Variants in FAF1 observed in about 807,000 individuals in gnomAD.
The protein encoded by FAF1 is Fas associated factor 1.
A neutral mutation model predicts 92.5 loss-of-function variants in FAF1; 25 were observed. That is an observed-to-expected ratio of 0.27 (90% CI 0.20 to 0.38). The LOEUF (loss-of-function observed/expected upper bound fraction) is 0.38. Among genes scored for constraint, FAF1 ranks in the 10% least tolerant of loss-of-function variants. The pLI is 1.00. For synonymous variants in FAF1, 234 were observed against 273.2 expected (o/e 0.86, Z 1.42); for missense variants, 636 against 793.3 (o/e 0.80, Z 2.38).
At chr1:50,485,966 A>G (rs1053820579) in intron 17 of FAF1, among the ~76,000 whole-genome samples, 16 of 152,142 alleles carry the variant, frequency 1.1e-4, no homozygotes, top group African/African-American at 3.6e-4. Flanking sequence ...CCATGATCCA[A>G]TCACTTTCCA....
chr1:50,594,314 CAAAAA>C (rs57900829), intron 9 of FAF1, among the ~76,000 whole-genome samples: 1 of 81,224 alleles, frequency 1.2e-5, no homozygotes, highest in Admixed American at 1.4e-4. Context: ...GATCCTGTCT[CAAAAA>C]AAAAAAAAAA....
intron 8 of FAF1, among the ~76,000 whole-genome samples, chr1:50,640,829 A>ATTTTTTTTTT (rs71059592): frequency 7.9e-5 from 7 of 88,516 alleles, no homozygotes; most frequent in South Asian, 4.2e-4. Context: ...TTATCAGCTG[A>ATTTTTTTTTT]TTTTTTTTTT....
At position 50,485,683 on chromosome 1, in the gene FAF1, A is replaced by AC. The variant is rs1313206657; in HGVS notation, c.1653+4904_1653+4905insG. ...AGACTGTCTCAAAAAAAAAAAAAAAAAAAAAAAAAAAAACCAAAAAAACAA... is the reference window on the plus strand; with the variant it reads ...AGACTGTCTCAAAAAAAAAAAAAAAACAAAAAAAAAAAAACCAAAAAAACAA... On this transcript the variant is annotated intron_variant, in intron 17 of 18. Transcript: ENST00000396153. 2.1e-3 allele frequency among the ~76,000 whole-genome samples: 303 copies of AC among 144,448 alleles called. 7 individuals carry two copies. In the East Asian group the frequency reaches 0.029, roughly 14 times the overall value. The allele number at this position is 144,448 out of a possible 152,430, so 94.8% of individuals were successfully genotyped here. A position where few individuals can be genotyped will look rare whatever the true frequency, so the allele number is the denominator to read the frequency against.
chr1:50,889,173 T>C lies in FAF1; in HGVS notation c.46-31176A>G, dbSNP rs530599510. ...GCGTAGAGGTGTTTACAGTATTCTC[T>C]GATGGTAGTTTGTATTTCTGTGGGA... is the stretch of plus-strand genomic sequence containing the variant. On this transcript the variant is annotated intron_variant, in intron 1 of 18. Coordinates refer to ENST00000396153, the MANE Select transcript of FAF1 (RefSeq NM_007051.3). Among the ~76,000 whole-genome samples, 460 of 152,374 alleles carry C rather than the reference T, an allele frequency of 3.0e-3. 3 individuals carry two copies. Among genetic ancestry groups the C allele is most frequent in the African/African-American group, 0.01 (435 of 41,584 alleles).
At chr1:50,575,686 T>C (rs556501369) in intron 12 of FAF1, among the ~76,000 whole-genome samples, 3 of 152,362 alleles carry the variant, frequency 2.0e-5, no homozygotes, top group African/African-American at 4.8e-5. Context: ...ACAAAATTAC[T>C]ATAAAAGACA....
chr1:50,662,802 G>C (rs540098218), intron 7 of FAF1, among the ~76,000 whole-genome samples: 1 of 138,662 alleles, frequency 7.2e-6, no homozygotes, highest in East Asian at 2.2e-4. Flanking sequence ...CCGGGTTCAC[G>C]TCATTCTCCT....
Position 50,746,288 on chromosome 1 carries a change from A to T in FAF1, c.368-1513T>A, listed in dbSNP as rs1268056332. ...TATATATATATATATATATATATAT[A>T]TATATTTTTTTTTTTTTTTTTTTTT... On this transcript the variant is annotated intron_variant, in intron 4 of 18. Transcript: ENST00000396153. Among the ~76,000 whole-genome samples the T allele has an allele frequency of 1.6e-3, 27 of 17,256 alleles. 1 individual carries two copies. The highest frequency in any genetic ancestry group is 7.1e-3 in the African/African-American group (24 of 3,368). 11.3% of individuals were successfully genotyped at this position (17,256 alleles called of 152,430 possible).
chr1:50,475,571 G>A lies in FAF1; in HGVS notation c.1762C>T (p.Arg588Trp). The change falls in exon 18 of 19, where the codon CGG (arginine) becomes TGG (tryptophan). Residue 588 changes from arginine (R) to tryptophan (W), a missense_variant. Physicochemically the swap from Arg to Trp is moderately radical, Grantham distance 101. Around this residue, in one of 2 missense-constraint regions of FAF1, gnomAD observed 319 missense variants for 451.0 expected, o/e 0.71. Transcript: ENST00000396153. Reference protein sequence around the residue: ...IRTPSGEFLERRFLASNKLQI... With the variant: ...IRTPSGEFLEWRFLASNKLQI... The stretch of plus-strand genomic sequence containing the variant: ...AGCTTGTTGCTGGCCAGGAAACGCC[G>A]CTCCAAGAACTCGCCACTGGGGGTC... 6.2e-7 allele frequency: 1 copy of A among 1,614,070 alleles called. No homozygotes were observed. The highest frequency in any genetic ancestry group is 8.5e-7 in the Non-Finnish European group (1 of 1,179,944).
intron 6 of FAF1, among the ~76,000 whole-genome samples, chr1:50,729,804 C>G (rs893720996): frequency 6.6e-6 from 1 of 151,910 alleles, no homozygotes; most frequent in Non-Finnish European, 1.5e-5. Flanking sequence ...AGGTGGATCA[C>G]GAAGTCAAGA....
intron 7 of FAF1, among the ~76,000 whole-genome samples, chr1:50,655,964 G>T (rs1271576141): frequency 6.6e-6 from 1 of 152,116 alleles, no homozygotes; most frequent in African/African-American, 2.4e-5. Context: ...AGGGCAAGGG[G>T]GGCAGGGGAG....
chr1:50,781,117 C>T, intron 4 of FAF1: 2 of 322,526 alleles, frequency 6.2e-6, no homozygotes, highest in South Asian at 5.2e-5. Flanking sequence ...TTACCTGCTG[C>T]CAGGGCAGTC....
chr1:50,701,975 C>A (rs746231715), intron 7 of FAF1, among the ~76,000 whole-genome samples: 2 of 152,036 alleles, frequency 1.3e-5, no homozygotes, highest in Non-Finnish European at 2.9e-5. Flanking sequence ...CTTGTTGTAA[C>A]AGATAAGTAA....
chr1:50,625,205 T>C (rs1429495133), intron 8 of FAF1, among the ~76,000 whole-genome samples: 1 of 152,152 alleles, frequency 6.6e-6, no homozygotes, highest in African/African-American at 2.4e-5. Context: ...CGGCAGAGAA[T>C]CCTACACTCT....
At position 50,736,728 on chromosome 1, in the gene FAF1, G is replaced by A. The variant is rs542980565; in HGVS notation, c.551+2135C>T. Among the ~76,000 whole-genome samples the A allele has an allele frequency of 4.0e-5, 6 of 151,620 alleles. No homozygotes were observed. In the South Asian group the frequency reaches 6.3e-4, roughly 16 times the overall value. On this transcript the variant is annotated intron_variant, in intron 6 of 18. Transcript: ENST00000396153. ...ATCATGCCATTGTACTCCAGCCTGG[G>A]CAACAAGAGCGAAACTCCGTCTCCA...
chr1:50,620,962 G>A (rs1050991766), intron 8 of FAF1, among the ~76,000 whole-genome samples: 1 of 152,342 alleles, frequency 6.6e-6, no homozygotes, highest in African/African-American at 2.4e-5. Context: ...GGGCCATGGG[G>A]CCCCCTCAGG....
chr1:50,892,340 C>T (rs996592467), intron 1 of FAF1, among the ~76,000 whole-genome samples: 6 of 152,222 alleles, frequency 3.9e-5, no homozygotes, highest in South Asian at 2.1e-4. Flanking sequence ...CTTTGGTTCA[C>T]GCTTGGTGCG....
chr1:50,655,526 T>C lies in FAF1; in HGVS notation c.660A>G (p.Val220=), dbSNP rs11205753. The C allele has an allele frequency of 0.13, 208,085 of 1,596,086 alleles. 16,039 individuals carry two copies. Among genetic ancestry groups the C allele is most frequent in the South Asian group, 0.28 (24,799 of 90,050 alleles). Residue 220 remains valine, a splice_region_variant and synonymous_variant, in exon 8 of 19, where the codon GTA becomes GTG. Coordinates refer to ENST00000396153, the MANE Select transcript of FAF1 (RefSeq NM_007051.3). ...TTGTAAGGTCATACACATTTCTCTT[T>C]ACCTATGAAAAGAAAGAAACAGGAC... ...NFSGSSTIQE[V]KRNVYDLTSI...
chr1:50,487,001 A>G (rs1395269957), intron 17 of FAF1, among the ~76,000 whole-genome samples: 2 of 152,208 alleles, frequency 1.3e-5, no homozygotes, highest in Non-Finnish European at 2.9e-5. Flanking sequence ...TGATTTTACT[A>G]TATTGTACTT....
At chr1:50,846,333 G>T in intron 2 of FAF1, 1 of 277,988 alleles carries the variant, frequency 3.6e-6, no homozygotes, top group Admixed American at 4.9e-5. Flanking sequence ...CCAGGCTCAT[G>T]CAGCTGAAGC....
Sources: allele counts gnomAD v4.1 joint callset (sites outside exome capture counted in the v4.1 genomes callset), GRCh38; gene constraint gnomAD v4.1.1; regional missense constraint gnomAD v4.1.1; transcripts MANE v1.5; gene names NCBI Gene and HGNC (gene_info 2026-07-23, HGNC 2026-07-21).